Variants in CNTN5 observed in about 807,000 individuals in gnomAD.
CNTN5 encodes contactin-5.
In CNTN5, 77 loss-of-function variants were observed where a neutral mutation model predicts 129.1. That is an observed-to-expected ratio of 0.60 (90% CI 0.50 to 0.72). CNTN5 has a LOEUF of 0.72. CNTN5 is among the 30% of genes least tolerant of loss of function. The probability of loss-of-function intolerance (pLI) is 0.00; values close to 1 mark genes in which losing one functional copy is unlikely to be tolerated. For missense variants in CNTN5, 1,478 were observed against 1,328.8 expected, an observed-to-expected ratio of 1.11 and a Z score of -1.75; for synonymous variants, 509 against 465.6, an observed-to-expected ratio of 1.09 and a Z score of -1.20.
At chr11:100,153,185 C>T (rs1461629981) in intron 13 of CNTN5, among the ~76,000 whole-genome samples, 1 of 152,094 alleles carries the variant, frequency 6.6e-6, no homozygotes, top group South Asian at 2.1e-4. Context: ...GTTTACATGA[C>T]ACTTATTATA....
intron 3 of CNTN5, among the ~76,000 whole-genome samples, chr11:99,780,845 AATGTGTTAAGAT>A (rs1215373776): frequency 6.6e-6 from 1 of 152,084 alleles, no homozygotes; most frequent in African/African-American, 2.4e-5. Flanking sequence ...CTTCAAGGAA[AATGTGTTAAGAT>A]CACAGTGGGA....
intron 2 of CNTN5, among the ~76,000 whole-genome samples, chr11:99,401,034 T>G (rs1290462538): frequency 6.6e-6 from 1 of 152,154 alleles, no homozygotes; most frequent in Non-Finnish European, 1.5e-5. Context: ...GTGGGTTGTC[T>G]GTTTACTTTG....
intron 13 of CNTN5, among the ~76,000 whole-genome samples, chr11:100,117,912 T>C (rs1045278201): frequency 6.6e-6 from 1 of 151,890 alleles, no homozygotes; most frequent in African/African-American, 2.4e-5. Context: ...TTTGTCTCAT[T>C]AGTTTACATA....
chr11:99,896,242 C>G (rs1489067823), intron 6 of CNTN5, among the ~76,000 whole-genome samples: 2 of 152,110 alleles, frequency 1.3e-5, no homozygotes, highest in African/African-American at 4.8e-5. Context: ...TGCTCTCTGC[C>G]AAACAGGGCT....
chr11:99,845,521 C>T (rs1051479536), intron 6 of CNTN5, among the ~76,000 whole-genome samples: 4 of 151,286 alleles, frequency 2.6e-5, no homozygotes, highest in African/African-American at 4.8e-5. Context: ...TACAGGCGCC[C>T]GCCACTACGC....
At chr11:99,803,301 G>A (rs1021843457) in intron 3 of CNTN5, among the ~76,000 whole-genome samples, 2 of 152,180 alleles carry the variant, frequency 1.3e-5, no homozygotes, top group Non-Finnish European at 2.9e-5. Flanking sequence ...CCTGGCTGCA[G>A]GTCTTGTTAC....
At chr11:100,040,559 C>T (rs184445857) in intron 9 of CNTN5, among the ~76,000 whole-genome samples, 34 of 152,322 alleles carry the variant, frequency 2.2e-4, no homozygotes, top group African/African-American at 7.5e-4. Flanking sequence ...CTGTGCCCTG[C>T]CCCCAGAGGT....
In CNTN5 at chr11:99,789,360, A is replaced by G. The variant is rs994273221; in HGVS notation, c.56-30184A>G. Among the ~76,000 whole-genome samples, 12 of 151,990 alleles carry G rather than the reference A, an allele frequency of 7.9e-5. 1 individual carries two copies. The highest frequency in any genetic ancestry group is 1.6e-4 in the Non-Finnish European group (11 of 67,882). ...TAACTTCTCTAATGTAAGACAGATA[A>G]TGAACAACAGAACTGGGGTTTAAAC... is the stretch of plus-strand genomic sequence containing the variant. On this transcript the variant is annotated intron_variant, in intron 3 of 24. Coordinates refer to ENST00000524871, the MANE Select transcript of CNTN5 (RefSeq NM_014361.4).
intron 1 of CNTN5, among the ~76,000 whole-genome samples, chr11:99,236,513 C>A (rs1861278111): frequency 6.6e-6 from 1 of 151,262 alleles, no homozygotes; most frequent in Admixed American, 6.6e-5. Context: ...GAGAGAGAGT[C>A]TGAATTAAAT....
intron 2 of CNTN5, among the ~76,000 whole-genome samples, chr11:99,338,474 C>T (rs550742625): frequency 2.2e-4 from 33 of 152,162 alleles, no homozygotes; most frequent in African/African-American, 4.1e-4. Context: ...TTTTTTCTTA[C>T]GGCAGAGAAC....
At chr11:99,222,715 A>G (rs1265516195) in intron 1 of CNTN5, among the ~76,000 whole-genome samples, 1 of 152,120 alleles carries the variant, frequency 6.6e-6, no homozygotes, top group Non-Finnish European at 1.5e-5. Context: ...ATTATAATTA[A>G]TTTGAATCGT....
intron 3 of CNTN5, among the ~76,000 whole-genome samples, chr11:99,556,475 A>T (rs887832994): frequency 8.1e-5 from 12 of 148,508 alleles, no homozygotes; most frequent in African/African-American, 2.7e-4. Flanking sequence ...AAGGTACACT[A>T]TAAATGTTAA....
intron 3 of CNTN5, among the ~76,000 whole-genome samples, chr11:99,632,625 T>C (rs630095): frequency 0.6 from 91,712 of 152,012 alleles, 28,499 homozygotes; most frequent in Admixed American, 0.69. Flanking sequence ...AAATTGAAAG[T>C]AGAGAATATT....
intron 7 of CNTN5, among the ~76,000 whole-genome samples, chr11:99,937,319 G>A (rs1317298383): frequency 6.6e-6 from 1 of 152,172 alleles, no homozygotes; most frequent in African/African-American, 2.4e-5. Context: ...ATATAAATGC[G>A]TTCTCTTATG....
chr11:100,237,372 CTTAA>C (rs1949643195), intron 16 of CNTN5, among the ~76,000 whole-genome samples: 1 of 152,074 alleles, frequency 6.6e-6, no homozygotes, highest in Non-Finnish European at 1.5e-5. Flanking sequence ...ATACTAAATT[CTTAA>C]TTATTTTCTT....
chr11:99,136,970 AT>A (rs1466316969), intron 1 of CNTN5, among the ~76,000 whole-genome samples: 5 of 152,194 alleles, frequency 3.3e-5, no homozygotes, highest in African/African-American at 9.6e-5. Context: ...TGCTGAAAAA[AT>A]ATTCAAATTT....
chr11:99,570,838 G>A (rs775638185), intron 3 of CNTN5, among the ~76,000 whole-genome samples: 1 of 152,104 alleles, frequency 6.6e-6, no homozygotes, highest in African/African-American at 2.4e-5. Context: ...GAATGATCAA[G>A]TAAGTTCACT....
chr11:99,874,194 C>G (rs566425429), intron 6 of CNTN5, among the ~76,000 whole-genome samples: 1 of 152,064 alleles, frequency 6.6e-6, no homozygotes, highest in Non-Finnish European at 1.5e-5. Context: ...ATGTAGCTCC[C>G]GAAGCTAAAA....
At chr11:99,873,787 G>A (rs1948564823) in intron 6 of CNTN5, among the ~76,000 whole-genome samples, 1 of 152,022 alleles carries the variant, frequency 6.6e-6, no homozygotes, top group Non-Finnish European at 1.5e-5. Context: ...GTTTACAATA[G>A]CAAAATCTTG....
Sources: allele counts gnomAD v4.1 joint callset (sites outside exome capture counted in the v4.1 genomes callset), GRCh38; gene constraint gnomAD v4.1.1; transcripts MANE v1.5; gene names NCBI Gene and HGNC (gene_info 2026-07-23, HGNC 2026-07-21).